The following FRMD4B variants were observed in gnomAD, a reference collection of about 807,000 sequenced individuals.
FRMD4B encodes the protein FERM domain containing 4B, also known as FERM domain-containing protein 4B.
FRMD4B carries 74 observed loss-of-function variants against 141.5 expected under a neutral mutation model. That is an observed-to-expected ratio of 0.52 (90% confidence interval 0.43 to 0.63). The LOEUF (loss-of-function observed/expected upper bound fraction) is 0.63, where lower values mean the gene tolerates loss of function less well. Among genes scored for constraint, FRMD4B ranks in the 30% least tolerant of loss-of-function variants. The pLI is 0.00. For synonymous variants in FRMD4B, 506 were observed against 467.9 expected (o/e 1.08, Z -1.05); for missense variants, 1,366 against 1,253.4 (o/e 1.09, Z -1.36).
intron 3 of FRMD4B, chr3:69,310,630 A>C (rs1701555479): frequency 3.1e-6 from 1 of 322,156 alleles, no homozygotes; most frequent in South Asian, 2.6e-5. Context: ...TAGTAAATCC[A>C]AACACATTTG....
At chr3:69,274,858 C>T (rs964911727) in intron 5 of FRMD4B, among the ~76,000 whole-genome samples, 1 of 152,156 alleles carries the variant, frequency 6.6e-6, no homozygotes, top group Admixed American at 6.6e-5. Context: ...TTCATTTACC[C>T]ATTCAATAAC....
chr3:69,506,834 T>A (rs904841227), intron 1 of FRMD4B, among the ~76,000 whole-genome samples: 7 of 152,104 alleles, frequency 4.6e-5, no homozygotes, highest in African/African-American at 1.4e-4. Context: ...TGAGCTACAG[T>A]ACCTGGCATC....
At chr3:69,247,377 C>T (rs2093431820) in intron 7 of FRMD4B, among the ~76,000 whole-genome samples, 1 of 152,112 alleles carries the variant, frequency 6.6e-6, no homozygotes. Context: ...AATCACCTCC[C>T]GTATGATTTC....
At chr3:69,183,467 G>C (rs2092730196) in intron 19 of FRMD4B, among the ~76,000 whole-genome samples, 1 of 145,372 alleles carries the variant, frequency 6.9e-6, no homozygotes, top group East Asian at 2.1e-4. Flanking sequence ...AACACAATTA[G>C]AAGTTAATTT....
intron 19 of FRMD4B, among the ~76,000 whole-genome samples, chr3:69,184,358 C>T (rs781384860): frequency 3.9e-5 from 6 of 152,288 alleles, no homozygotes; most frequent in Admixed American, 6.5e-5. Context: ...TCTTTTTCAA[C>T]GCTCACTTTT....
intron 2 of FRMD4B, among the ~76,000 whole-genome samples, chr3:69,405,438 G>A (rs540469216): frequency 3.9e-5 from 6 of 152,294 alleles, no homozygotes; most frequent in African/African-American, 1.4e-4. Context: ...GTAGTGACTG[G>A]CTTAGCCAGA....
intron 1 of FRMD4B, among the ~76,000 whole-genome samples, chr3:69,484,907 C>G (rs1244411162): frequency 6.6e-6 from 1 of 152,162 alleles, no homozygotes; most frequent in Non-Finnish European, 1.5e-5. Context: ...TGAGTTCTCC[C>G]TCCAGTAGGC....
In FRMD4B at chr3:69,212,347, G is replaced by A. The variant is rs1575614558; in HGVS notation, c.876+3916C>T. Among the ~76,000 whole-genome samples the A allele has an allele frequency of 8.4e-5, 6 of 71,796 alleles. No individual in the cohort carries two copies. In the South Asian group the frequency reaches 2.7e-3, roughly 32 times the overall value. 47.1% of individuals were successfully genotyped at this position (71,796 alleles called of 152,430 possible). A position where few individuals can be genotyped will look rare whatever the true frequency, so the allele number is the denominator to read the frequency against. On this transcript the variant is annotated intron_variant, in intron 11 of 22. Transcript: ENST00000398540. ...TGCACTCCAGCCTGGGCAACAGAGC[G>A]AAACCCCGTCTCAAAAAAAAAAAAA... is the stretch of plus-strand genomic sequence containing the variant.
At chr3:69,270,085 T>C (rs1421844016) in intron 5 of FRMD4B, among the ~76,000 whole-genome samples, 3 of 152,086 alleles carry the variant, frequency 2.0e-5, no homozygotes, top group Non-Finnish European at 4.4e-5. Flanking sequence ...GGCATGATCA[T>C]AGCTCACTGC....
intron 11 of FRMD4B, chr3:69,200,534 G>GGT: frequency 9.1e-7 from 1 of 1,101,858 alleles, no homozygotes; most frequent in East Asian, 6.8e-5. Flanking sequence ...AAGACACTTA[G>GGT]GTGTAACTCA....
intron 16 of FRMD4B, 107 bp downstream of exon 16, chr3:69,194,915 G>T: frequency 1.0e-6 from 1 of 976,264 alleles, no homozygotes; most frequent in Non-Finnish European, 1.5e-6. Flanking sequence ...CTGTACTGGT[G>T]AGATAACATA....
chr3:69,332,522 T>C (rs2107337207), intron 1 of FRMD4B, among the ~76,000 whole-genome samples: 1 of 152,264 alleles, frequency 6.6e-6, no homozygotes, highest in South Asian at 2.1e-4. Flanking sequence ...TCTTCCTCCC[T>C]TGTGGTCACA....
chr3:69,492,654 T>A lies in FRMD4B; in HGVS notation c.-129+49552A>T, dbSNP rs554465293. On this transcript the variant is annotated intron_variant, in intron 1 of 5. Coordinates refer to the FRMD4B transcript ENST00000459638. ...ATTTTGTCAGGGAACCACTTATCCCTAATTTACCTGATTTGTAATTTCAGA... is the reference window on the plus strand; with the variant it reads ...ATTTTGTCAGGGAACCACTTATCCCAAATTTACCTGATTTGTAATTTCAGA... Among the ~76,000 whole-genome samples, 269 of 152,332 alleles carry A rather than the reference T, an allele frequency of 1.8e-3. 15 individuals are homozygous for A. In the South Asian group the frequency reaches 0.054, roughly 30 times the overall value.
At chr3:69,277,508 T>G (rs1321172720) in intron 5 of FRMD4B, among the ~76,000 whole-genome samples, 1 of 145,434 alleles carries the variant, frequency 6.9e-6, no homozygotes, top group Non-Finnish European at 1.5e-5. Context: ...TTTCTTGCTT[T>G]CTTTCTGCTT....
At chr3:69,428,071 C>G (rs190535309) in intron 2 of FRMD4B, among the ~76,000 whole-genome samples, 2 of 152,168 alleles carry the variant, frequency 1.3e-5, no homozygotes, top group Admixed American at 1.3e-4. Context: ...TCAGTGCACT[C>G]AAGCTTTTCA....
At chr3:69,525,396 T>C (rs1051977451) in intron 1 of FRMD4B, among the ~76,000 whole-genome samples, 18 of 152,260 alleles carry the variant, frequency 1.2e-4, no homozygotes, top group African/African-American at 2.9e-4. Context: ...GTAGATGTTT[T>C]GATGGTACCT....
At chr3:69,468,506 C>T (rs1439975044) in intron 1 of FRMD4B, among the ~76,000 whole-genome samples, 2 of 152,082 alleles carry the variant, frequency 1.3e-5, no homozygotes, top group Admixed American at 6.6e-5. Context: ...TTTCATTCCC[C>T]TGGTCAGTAA....
intron 7 of FRMD4B, among the ~76,000 whole-genome samples, chr3:69,245,663 T>A (rs868455786): frequency 1.2e-5 from 1 of 81,318 alleles, no homozygotes; most frequent in Admixed American, 1.5e-4. Context: ...GATTTTCTTT[T>A]CTTTTTTTTT....
intron 3 of FRMD4B, chr3:69,310,299 T>C (rs1701533914): frequency 2.7e-6 from 1 of 368,560 alleles, no homozygotes; most frequent in African/African-American, 2.1e-5. Flanking sequence ...ATTAACTCCT[T>C]CTTGAGATGA....
Sources: gnomAD v4.1 joint callset for allele counts (sites outside exome capture counted in the v4.1 genomes callset) on GRCh38, gnomAD v4.1.1 for gene constraint, MANE v1.5 for transcripts, NCBI Gene and HGNC (gene_info 2026-07-23, HGNC 2026-07-21) for gene names.